KCND3: variants seen among roughly 807,000 people sequenced by gnomAD.
KCND3 encodes the protein A-type voltage-gated potassium channel KCND3.
A neutral mutation model predicts 51.1 loss-of-function variants in KCND3; 9 were observed. The ratio of observed to expected loss-of-function variants is 0.18; its 90% confidence interval spans 0.11 to 0.31. KCND3 has a LOEUF of 0.31. Among genes scored for constraint, KCND3 ranks in the 10% least tolerant of loss-of-function variants. KCND3 has a pLI of 1.00. For missense variants in KCND3, 526 were observed against 903.8 expected, an observed-to-expected ratio of 0.58 and a Z score of 5.36; for synonymous variants, 349 against 368.0, an observed-to-expected ratio of 0.95 and a Z score of 0.59.
intron 2 of KCND3, among the ~76,000 whole-genome samples, chr1:111,829,223 G>A (rs1051839433): frequency 9.9e-5 from 15 of 152,154 alleles, no homozygotes; most frequent in African/African-American, 3.4e-4. Context: ...GATATGGGGC[G>A]ACCTAAAATG....
At chr1:111,790,651 C>T (rs1664787345) in intron 2 of KCND3, among the ~76,000 whole-genome samples, 1 of 152,186 alleles carries the variant, frequency 6.6e-6, no homozygotes, top group Non-Finnish European at 1.5e-5. Flanking sequence ...GAGAGTTGCG[C>T]TCACATCACC....
intron 2 of KCND3, among the ~76,000 whole-genome samples, chr1:111,796,859 G>A (rs1232370004): frequency 3.9e-5 from 6 of 152,216 alleles, no homozygotes; most frequent in East Asian, 1.9e-4. Context: ...AGAGTCCTGC[G>A]AAAAGGGGTG....
At chr1:111,834,359 CA>C (rs1666981581) in intron 2 of KCND3, among the ~76,000 whole-genome samples, 1 of 152,150 alleles carries the variant, frequency 6.6e-6, no homozygotes. Flanking sequence ...GCTTGAAAAA[CA>C]AAACACAAGA....
intron 1 of KCND3, among the ~76,000 whole-genome samples, chr1:111,983,715 A>G (rs1675103673): frequency 6.6e-6 from 1 of 151,932 alleles, no homozygotes; most frequent in South Asian, 2.1e-4. Context: ...AGGTTATATA[A>G]CAACACTCCT....
At chr1:111,980,372 G>T (rs1243814341) in intron 2 of KCND3, among the ~76,000 whole-genome samples, 1 of 152,090 alleles carries the variant, frequency 6.6e-6, no homozygotes, top group Non-Finnish European at 1.5e-5. Context: ...CCTCCCTCTT[G>T]TGTGTGGCAG....
chr1:111,822,273 C>T (rs1055224138), intron 2 of KCND3, among the ~76,000 whole-genome samples: 13 of 152,114 alleles, frequency 8.5e-5, no homozygotes, highest in African/African-American at 3.1e-4. Context: ...GATTTTTAGG[C>T]GTACTGTTTG....
intron 2 of KCND3, among the ~76,000 whole-genome samples, chr1:111,973,144 A>G (rs993940366): frequency 1.3e-5 from 2 of 152,230 alleles, no homozygotes; most frequent in East Asian, 3.8e-4. Flanking sequence ...TGTTTGGCTG[A>G]TCAGTTAATA....
Position 111,989,632 on chromosome 1 carries a change from C to G in KCND3, c.-200G>C, listed in dbSNP as rs1029569926. The G allele has an allele frequency of 2.0e-5, 3 of 148,348 alleles. No individual in the cohort carries two copies. The highest frequency in any genetic ancestry group is 4.5e-5 in the Non-Finnish European group (3 of 66,228). 9.2% of individuals were successfully genotyped at this position (148,348 alleles called of 1,614,324 possible). Reference sequence around the variant, plus strand: ...GGGGAAGCGCCCAGCAGCCGCCGCTCGCGCGGCTCCTCCTCGCCAGCGCAG... The same window carrying G: ...GGGGAAGCGCCCAGCAGCCGCCGCTGGCGCGGCTCCTCCTCGCCAGCGCAG... On this transcript the variant is annotated 5_prime_UTR_variant, in exon 1 of 8. Transcript: ENST00000302127.
intron 2 of KCND3, among the ~76,000 whole-genome samples, chr1:111,845,989 T>C (rs561033945): frequency 1.3e-5 from 2 of 152,340 alleles, no homozygotes; most frequent in East Asian, 3.9e-4. Context: ...TGAGTCCCCA[T>C]ATCCTTCCAG....
chr1:111,931,206 A>C (rs955775055), intron 2 of KCND3, among the ~76,000 whole-genome samples: 1 of 152,262 alleles, frequency 6.6e-6, no homozygotes, highest in Admixed American at 6.5e-5. Context: ...CTGGCTATCT[A>C]CAAGAGGTAG....
intron 2 of KCND3, among the ~76,000 whole-genome samples, chr1:111,955,492 C>T (rs1360049211): frequency 6.6e-6 from 1 of 152,178 alleles, no homozygotes; most frequent in Admixed American, 6.5e-5. Context: ...TAAATCATCC[C>T]CTCCTCTGTG....
intron 2 of KCND3, among the ~76,000 whole-genome samples, chr1:111,878,181 T>C (rs1331565805): frequency 6.6e-6 from 1 of 152,236 alleles, no homozygotes; most frequent in African/African-American, 2.4e-5. Context: ...TTATTTCCTC[T>C]GGCTTGATGC....
chr1:111,970,471 G>T (rs1212607440), intron 2 of KCND3, among the ~76,000 whole-genome samples: 1 of 152,130 alleles, frequency 6.6e-6, no homozygotes, highest in African/African-American at 2.4e-5. Context: ...CCACCAAAAT[G>T]ATCTTTTAAG....
intron 2 of KCND3, among the ~76,000 whole-genome samples, chr1:111,817,396 GTGGCCCAATAATTTCACC>G (rs1470028244): frequency 6.6e-6 from 1 of 152,180 alleles, no homozygotes; most frequent in African/African-American, 2.4e-5. Context: ...AAGACCAAAA[GTGGCCCAATAATTTCACC>G]TGAGTGTCAC....
intron 2 of KCND3, among the ~76,000 whole-genome samples, chr1:111,976,499 G>C (rs931777952): frequency 6.6e-6 from 1 of 152,210 alleles, no homozygotes; most frequent in Non-Finnish European, 1.5e-5. Context: ...GTAAACAAAC[G>C]AACCTGTTTG....
At chr1:111,921,594 G>T (rs1171352505) in intron 2 of KCND3, among the ~76,000 whole-genome samples, 4 of 152,184 alleles carry the variant, frequency 2.6e-5, no homozygotes. Flanking sequence ...AGAAAGTGGG[G>T]AGAAAATACC....
At chr1:111,943,309 TCTC>T (rs1672616309) in intron 2 of KCND3, among the ~76,000 whole-genome samples, 1 of 152,072 alleles carries the variant, frequency 6.6e-6, no homozygotes. Context: ...CTCAGCTCCT[TCTC>T]CATGGAGCGC....
intron 2 of KCND3, among the ~76,000 whole-genome samples, chr1:111,826,644 G>T (rs566960518): frequency 6.6e-6 from 1 of 152,172 alleles, no homozygotes; most frequent in Non-Finnish European, 1.5e-5. Flanking sequence ...ATGTCAACGA[G>T]TTCATGGTTT....
chr1:111,975,756 C>T (rs1486508497), intron 2 of KCND3, among the ~76,000 whole-genome samples: 1 of 152,228 alleles, frequency 6.6e-6, no homozygotes, highest in Non-Finnish European at 1.5e-5. Context: ...CTCCTGTCTC[C>T]TGCTCTTGCA....
Sources: gnomAD v4.1 joint callset for allele counts (sites outside exome capture counted in the v4.1 genomes callset) on GRCh38, gnomAD v4.1.1 for gene constraint, MANE v1.5 for transcripts, NCBI Gene and HGNC (gene_info 2026-07-23, HGNC 2026-07-21) for gene names.